The following ZFP30 variants were observed in gnomAD, a reference collection of about 807,000 sequenced individuals.
ZFP30 encodes ZFP30 zinc finger protein, also known as zinc finger protein 30 homolog.
A neutral mutation model predicts 12.3 loss-of-function variants in ZFP30; 16 were observed. That is an observed-to-expected ratio of 1.30 (90% CI 0.88 to 1.98). The LOEUF (loss-of-function observed/expected upper bound fraction) is 1.98. ZFP30 is among the 30% of genes most tolerant of loss of function. The pLI, the probability that ZFP30 is intolerant of heterozygous loss-of-function variation, is 0.00. For synonymous variants in ZFP30, 172 were observed against 201.0 expected, an observed-to-expected ratio of 0.86 and a Z score of 1.22; for missense variants, 560 against 611.2, an observed-to-expected ratio of 0.92 and a Z score of 0.88.
Position 37,634,797 on chromosome 19 carries a change from C to T in ZFP30, c.*184G>A. On this transcript the variant is annotated 3_prime_UTR_variant, in exon 6 of 6. Transcript: ENST00000684514. ...CTAGGATGAATTTCCTAAAGTTTAA[C>T]ATGGTTTCAAAGGTGATGAAAGGCT... The T allele has an allele frequency of 3.3e-6, 2 of 599,464 alleles. No homozygotes were observed. The highest frequency in any genetic ancestry group is 5.1e-6 in the Non-Finnish European group (2 of 393,808). The allele number at this position is 599,464 out of a possible 1,614,324, so 37.1% of individuals were successfully genotyped here.
chr19:37,636,250 T>G lies in ZFP30; in HGVS notation c.291A>C (p.Glu97Asp). 6.2e-7 allele frequency: 1 copy of G among 1,609,406 alleles called. No individual in the cohort carries two copies. Among genetic ancestry groups the G allele is most frequent in the Non-Finnish European group, 8.5e-7 (1 of 1,178,518 alleles). Residue 97 changes from glutamate (E) to aspartate (D), a missense_variant, in exon 6 of 6, where the codon GAA becomes GAC. Transcript: ENST00000684514. ...KKLFQGKDIY[E>D]MNLSQWKVME... ...TTACCTTCCACTGAGATAAGTTCAT[T>G]TCATAAATATCCTTTCCTTGAAATA...
chr19:37,650,428 T>G (rs2044626042), intron 2 of ZFP30, among the ~76,000 whole-genome samples: 1 of 152,154 alleles, frequency 6.6e-6, no homozygotes, highest in South Asian at 2.1e-4. Context: ...TAAAAATTTT[T>G]ATCACTTATA....
intron 5 of ZFP30, among the ~76,000 whole-genome samples, chr19:37,640,535 T>C (rs973490832): frequency 6.6e-6 from 1 of 151,280 alleles, no homozygotes; most frequent in African/African-American, 2.4e-5. Context: ...TATTAGTCCA[T>C]CTTAGATCAA....
chr19:37,640,112 A>G (rs1379722491), intron 5 of ZFP30, among the ~76,000 whole-genome samples: 1 of 152,216 alleles, frequency 6.6e-6, no homozygotes, highest in Non-Finnish European at 1.5e-5. Context: ...CAACGTAGGC[A>G]TGGGTGAGAA....
intron 5 of ZFP30, among the ~76,000 whole-genome samples, chr19:37,640,433 TTAAC>T (rs755913687): frequency 1.1e-4 from 16 of 149,542 alleles, no homozygotes; most frequent in Admixed American, 2.7e-4. Flanking sequence ...TAATTTAATA[TTAAC>T]TAATAAAATT....
chr19:37,645,418 A>G (rs1458020948), intron 3 of ZFP30, among the ~76,000 whole-genome samples: 1 of 151,956 alleles, frequency 6.6e-6, no homozygotes, highest in East Asian at 1.9e-4. Context: ...TAAAGGGCCA[A>G]TATTTTAGGC....
chr19:37,644,444 G>A (rs2044498667), intron 4 of ZFP30, 166 bp downstream of exon 4: 1 of 562,592 alleles, frequency 1.8e-6, no homozygotes, highest in Non-Finnish European at 2.9e-6. Flanking sequence ...TGAGGCAGTA[G>A]AATCGCTTGA....
intron 4 of ZFP30, 53 bp from the exon 5 acceptor site, chr19:37,643,416 A>C: frequency 7.7e-7 from 1 of 1,296,194 alleles, no homozygotes; most frequent in Non-Finnish European, 1.0e-6. Flanking sequence ...GCTTCAAAAC[A>C]AAGAAGACTA....
Position 37,636,322 on chromosome 19 carries a change from C to T in ZFP30, c.236-17G>A, listed in dbSNP as rs185136991. 2.1e-4 allele frequency: 330 copies of T among 1,549,600 alleles called. 3 individuals carry two copies. In the Middle Eastern group the frequency reaches 4.4e-3, roughly 21 times the overall value. ...ATTCCAAATCTGAAAGAAAACAAGA[C>T]CAAAACATATTTTCCTGTTCTACAC... On this transcript the variant is annotated splice_polypyrimidine_tract_variant and intron_variant, in intron 5 of 5. Transcript: ENST00000684514.
chr19:37,644,659 A>T lies in ZFP30; in HGVS notation c.87T>A (p.Asn29Lys). Residue 29 changes from asparagine to lysine, a missense_variant, in exon 4 of 6, where the codon AAT becomes AAA. Physicochemically the swap from Asn to Lys is moderately conservative, Grantham distance 94 (BLOSUM62 0). Coordinates refer to ENST00000684514, the MANE Select transcript of ZFP30 (RefSeq NM_001320669.3). ...EWECLNSYQR[N>K]LYRDVILENY... ...TCTCTAATATCACATCTCTGTACAA[A>T]TTCCTCTGATATGAGTTCAGGCATT... 6.2e-7 allele frequency: 1 copy of T among 1,613,096 alleles called. No individual in the cohort carries two copies. The highest frequency in any genetic ancestry group is 8.5e-7 in the Non-Finnish European group (1 of 1,179,582).
rs1352607067 is a variant in ZFP30, at chr19:37,635,360, T to A, written c.1181A>T (p.Tyr394Phe). The change falls in exon 6 of 6, where the codon TAC becomes TTC. Residue 394 changes from tyrosine (Y) to phenylalanine (F), a missense_variant. By Grantham distance (22) the Tyr-to-Phe change is conservative. Coordinates refer to ENST00000684514, the MANE Select transcript of ZFP30 (RefSeq NM_001320669.3). The part of the protein sequence containing the change: ...CKECQKFFRR[Y>F]SELISHQGIH... ...ACCCTGATGTGAAATAAGTTCTGAG[T>A]AACGACGAAAGAACTTCTGACATTC... 5.0e-6 allele frequency: 8 copies of A among 1,613,564 alleles called. No homozygotes were observed. The African/African-American group carries it at 1.1e-4, about 22-fold the overall frequency.
rs2044233828 is a variant in ZFP30 at position 37,631,618 on chromosome 19, T to C, written c.*3363A>G. 2 of 151,478 alleles carry C rather than the reference T, an allele frequency of 1.3e-5. No homozygotes were observed. The highest frequency in any genetic ancestry group is 2.9e-5 in the Non-Finnish European group (2 of 67,926). The allele number at this position is 151,478 out of a possible 1,614,324, so 9.4% of individuals were successfully genotyped here. On this transcript the variant is annotated 3_prime_UTR_variant, in exon 6 of 6. Transcript: ENST00000684514. ...TTTATTAATTTTGAGAAGGTAATTT[T>C]AAGGTGTTGGGTTACACTTTTACAT...
upstream of ZFP30, chr19:37,655,508 G>C (rs908897052): frequency 3.9e-5 from 6 of 152,512 alleles, no homozygotes; most frequent in Non-Finnish European, 8.8e-5. Context: ...CTAGCGCGCG[G>C]GGGGGCGGAG....
At chr19:37,645,474 T>G (rs1243247625) in intron 3 of ZFP30, among the ~76,000 whole-genome samples, 4 of 151,612 alleles carry the variant, frequency 2.6e-5, no homozygotes, top group East Asian at 1.9e-4. Context: ...TCTTTTTTTT[T>G]GTAACAATTA....
At position 37,646,841 on chromosome 19, in the gene ZFP30, T is replaced by G. The variant is rs181578866; in HGVS notation, c.9+973A>C. On this transcript the variant is annotated intron_variant, in intron 3 of 5. Transcript: ENST00000684514. The stretch of plus-strand genomic sequence containing the variant: ...TCGAACTCCTCTGCTCAAGTAGTCC[T>G]CCTGCCTCAGCCTTCCAATTCCAAA... Among the ~76,000 whole-genome samples, 607 of 152,294 alleles carry G rather than the reference T, an allele frequency of 4.0e-3. 3 individuals are homozygous for G. The highest frequency in any genetic ancestry group is 8.3e-3 in the Admixed American group (127 of 15,288).
chr19:37,650,704 A>G (rs1310182204), intron 2 of ZFP30, among the ~76,000 whole-genome samples: 3 of 151,582 alleles, frequency 2.0e-5, no homozygotes, highest in African/African-American at 7.3e-5. Context: ...GCATAGTTGC[A>G]GTCCCTTTGT....
rs781076151 is a variant in ZFP30, at chr19:37,632,295, A to AAT, written c.*2684_*2685dup. ...CATGTATAGTGTGTGTATAAATATA[A>AAT]ATATATATACCTACACACTATACAC... On this transcript the variant is annotated 3_prime_UTR_variant, in exon 6 of 6. Transcript: ENST00000684514. 1.3e-5 allele frequency: 2 copies of AAT among 151,958 alleles called. No homozygotes were observed. Among genetic ancestry groups the AAT allele is most frequent in the Non-Finnish European group, 2.9e-5 (2 of 67,986 alleles). 9.4% of individuals were successfully genotyped at this position (151,958 alleles called of 1,614,324 possible).
At chr19:37,638,463 T>C (rs532455865) in intron 5 of ZFP30, among the ~76,000 whole-genome samples, 6 of 152,314 alleles carry the variant, frequency 3.9e-5, no homozygotes, top group East Asian at 1.9e-4. Context: ...ATCTTTGCAA[T>C]AGGAATTCAA....
chr19:37,639,818 G>C (rs1227069258), intron 5 of ZFP30, among the ~76,000 whole-genome samples: 1 of 151,010 alleles, frequency 6.6e-6, no homozygotes, highest in Non-Finnish European at 1.5e-5. Context: ...AAAATTGCCA[G>C]TGTTGATAAG....
Sources: gnomAD v4.1 joint callset for allele counts (sites outside exome capture counted in the v4.1 genomes callset) on GRCh38, gnomAD v4.1.1 for gene constraint, MANE v1.5 for transcripts, NCBI Gene and HGNC (gene_info 2026-07-23, HGNC 2026-07-21) for gene names.